The following DPYSL5 variants were observed in gnomAD, a reference collection of about 807,000 sequenced individuals.
DPYSL5 encodes the protein dihydropyrimidinase like 5.
Under a neutral mutation model 58.4 loss-of-function variants are expected in DPYSL5, and 9 were observed. The ratio of observed to expected loss-of-function variants is 0.15; its 90% confidence interval spans 0.09 to 0.27. The LOEUF (loss-of-function observed/expected upper bound fraction) is 0.27. Among genes scored for constraint, DPYSL5 ranks in the 10% least tolerant of loss-of-function variants. The pLI is 1.00. For missense variants in DPYSL5, 499 were observed against 770.6 expected (o/e 0.65, Z 4.17); for synonymous variants, 293 against 301.9 (o/e 0.97, Z 0.31).
intron 2 of DPYSL5, among the ~76,000 whole-genome samples, chr2:26,921,932 A>G (rs1409088928): frequency 1.3e-5 from 2 of 151,982 alleles, no homozygotes; most frequent in Non-Finnish European, 2.9e-5. Flanking sequence ...ACCACCTCCT[A>G]TGCTTCCAAC....
chr2:26,873,892 T>C (rs1342119270), intron 1 of DPYSL5, among the ~76,000 whole-genome samples: 1 of 152,230 alleles, frequency 6.6e-6, no homozygotes, highest in Non-Finnish European at 1.5e-5. Context: ...TCTTAACAGC[T>C]ATCTGGGCAT....
intron 1 of DPYSL5, among the ~76,000 whole-genome samples, chr2:26,876,795 C>T (rs1572682138): frequency 1.3e-5 from 2 of 152,060 alleles, no homozygotes; most frequent in Admixed American, 1.3e-4. Flanking sequence ...GTATTACAGG[C>T]GTGAGCCACC....
At chr2:26,907,927 G>A (rs1664338613) in intron 2 of DPYSL5, among the ~76,000 whole-genome samples, 1 of 152,162 alleles carries the variant, frequency 6.6e-6, no homozygotes, top group South Asian at 2.1e-4. Flanking sequence ...CGACATCCAA[G>A]AAATGGATGT....
At chr2:26,892,573 G>A (rs1380390556) in intron 1 of DPYSL5, among the ~76,000 whole-genome samples, 1 of 151,958 alleles carries the variant, frequency 6.6e-6, no homozygotes, top group African/African-American at 2.4e-5. Flanking sequence ...ATGGTGGCAT[G>A]CACCTGTAGT....
At chr2:26,900,749 T>G (rs1664138223) in intron 2 of DPYSL5, among the ~76,000 whole-genome samples, 1 of 152,196 alleles carries the variant, frequency 6.6e-6, no homozygotes, top group African/African-American at 2.4e-5. Flanking sequence ...CACCAGTCCA[T>G]TCTGGGGTCC....
At chr2:26,926,821 G>T (rs1480763533) in intron 3 of DPYSL5, among the ~76,000 whole-genome samples, 1 of 152,160 alleles carries the variant, frequency 6.6e-6, no homozygotes, top group Non-Finnish European at 1.5e-5. Flanking sequence ...CTTTGTTCAT[G>T]TTTAGCTTTG....
chr2:26,941,847 GA>G (rs1665328738), intron 9 of DPYSL5, 102 bp from the exon 10 acceptor site: 2 of 1,505,948 alleles, frequency 1.3e-6, no homozygotes, highest in Admixed American at 3.6e-5. Flanking sequence ...CCACTGTCCT[GA>G]CCACCTAAGC....
At chr2:26,928,482 C>T (rs550684888) in intron 5 of DPYSL5, among the ~76,000 whole-genome samples, 159 bp downstream of exon 5, 7 of 151,216 alleles carry the variant, frequency 4.6e-5, no homozygotes, top group Non-Finnish European at 1.0e-4. Flanking sequence ...ATGGCTTGAA[C>T]CCAGGAATTT....
intron 2 of DPYSL5, among the ~76,000 whole-genome samples, chr2:26,904,874 A>G (rs1477512687): frequency 6.6e-6 from 1 of 152,230 alleles, no homozygotes; most frequent in Non-Finnish European, 1.5e-5. Flanking sequence ...ACTGCACCCC[A>G]GCCTGGGTGA....
intron 2 of DPYSL5, among the ~76,000 whole-genome samples, chr2:26,910,043 A>G (rs1480304908): frequency 6.6e-6 from 1 of 152,140 alleles, no homozygotes; most frequent in African/African-American, 2.4e-5. Context: ...ACCCCAGGTT[A>G]CCACTATTTT....
chr2:26,925,168 C>A lies in DPYSL5; in HGVS notation c.420+123C>A, dbSNP rs1572709878. On this transcript the variant is annotated intron_variant, in intron 3 of 12. Coordinates refer to ENST00000288699, the MANE Select transcript of DPYSL5 (RefSeq NM_020134.4). This position sits in a 1 kb window ranked among gnomAD's most constrained non-coding sequence, Gnocchi z 4.5. ...CTCCCACTACCATCCTAGCTCCCCA[C>A]AATGCCAAAAGAAAACACACTTGGG... is the stretch of plus-strand genomic sequence containing the variant. 3.2e-6 allele frequency: 4 copies of A among 1,268,452 alleles called. No individual in the cohort carries two copies. In the East Asian group the frequency reaches 7.5e-5, roughly 24 times the overall value. 78.6% of individuals were successfully genotyped at this position (1,268,452 alleles called of 1,614,324 possible). A position where few individuals can be genotyped will look rare whatever the true frequency, so the allele number is the denominator to read the frequency against.
Position 26,933,731 on chromosome 2 carries a change from C to T in DPYSL5, c.790+398C>T, listed in dbSNP as rs1665096148. Reference sequence around the variant, plus strand: ...GCATTTCAGGGGCTGTTTGGGAAGTCCCTAAAGAAAGAACAGTGTGTGGGC... The same window carrying T: ...GCATTTCAGGGGCTGTTTGGGAAGTTCCTAAAGAAAGAACAGTGTGTGGGC... On this transcript the variant is annotated intron_variant, in intron 7 of 12. Coordinates refer to ENST00000288699, the MANE Select transcript of DPYSL5 (RefSeq NM_020134.4). The surrounding 1 kb of genome is among the most constrained non-coding windows in gnomAD (Gnocchi z 4.2). Among the ~76,000 whole-genome samples, 1 of 152,158 alleles carries T rather than the reference C, an allele frequency of 6.6e-6. No homozygotes were observed.
chr2:26,932,132 AGAAAGAG>A (rs1484563433), intron 6 of DPYSL5, among the ~76,000 whole-genome samples: 2 of 139,342 alleles, frequency 1.4e-5, no homozygotes, highest in South Asian at 2.2e-4. Context: ...AGAGAAAGAA[AGAAAGAG>A]AAAGAAAGAA....
chr2:26,858,829 C>A (rs1394911403), intron 1 of DPYSL5, among the ~76,000 whole-genome samples: 1 of 151,942 alleles, frequency 6.6e-6, no homozygotes, highest in African/African-American at 2.4e-5. Flanking sequence ...CCGCCTTGGC[C>A]TCCTACAGTG....
chr2:26,929,584 A>G (rs1664920914), intron 5 of DPYSL5, among the ~76,000 whole-genome samples: 1 of 152,164 alleles, frequency 6.6e-6, no homozygotes, highest in African/African-American at 2.4e-5. Context: ...TCCCACCACC[A>G]CTGCCCCATC....
At chr2:26,863,996 A>G (rs537426967) in intron 1 of DPYSL5, among the ~76,000 whole-genome samples, 1 of 152,282 alleles carries the variant, frequency 6.6e-6, no homozygotes, top group Non-Finnish European at 1.5e-5. Flanking sequence ...TAATCATAGC[A>G]CTTTGAGAGG....
chr2:26,894,364 C>G (rs1372230697), intron 1 of DPYSL5, among the ~76,000 whole-genome samples: 1 of 152,186 alleles, frequency 6.6e-6, no homozygotes, highest in Non-Finnish European at 1.5e-5. Context: ...AGAGAGAATG[C>G]AAACTCGCTT....
At chr2:26,915,868 A>G (rs1480136555) in intron 2 of DPYSL5, among the ~76,000 whole-genome samples, 1 of 152,156 alleles carries the variant, frequency 6.6e-6, no homozygotes, top group Non-Finnish European at 1.5e-5. Flanking sequence ...ATGAATGGGA[A>G]GAAGGTCCCT....
At chr2:26,852,565 C>T in intron 1 of DPYSL5, among the ~76,000 whole-genome samples, 1 of 152,204 alleles carries the variant, frequency 6.6e-6, no homozygotes, top group East Asian at 1.9e-4. Context: ...TCCCATCAAT[C>T]ACAGCCCTGT....
Sources: allele counts gnomAD v4.1 joint callset (sites outside exome capture counted in the v4.1 genomes callset), GRCh38; gene constraint gnomAD v4.1.1; non-coding constraint Gnocchi (gnomAD v3.1); transcripts MANE v1.5; gene names NCBI Gene and HGNC (gene_info 2026-07-23, HGNC 2026-07-21).